Variants in HOXA5 observed in about 807,000 individuals in gnomAD.
The protein encoded by HOXA5 is homeobox A5, also known as homeobox protein Hox-A5.
In HOXA5, 12 loss-of-function variants were observed where a neutral mutation model predicts 20.0. The observed-to-expected ratio is 0.60, with a 90% CI of 0.38 to 0.97. HOXA5 has a LOEUF of 0.97. Ranked by LOEUF, HOXA5 falls within the 50% of genes least tolerant of loss-of-function variation. The probability of loss-of-function intolerance (pLI) is 0.00; values close to 1 mark genes in which losing one functional copy is unlikely to be tolerated. For synonymous variants in HOXA5, 159 were observed against 157.7 expected, an observed-to-expected ratio of 1.01 and a Z score of -0.06; for missense variants, 352 against 380.3, an observed-to-expected ratio of 0.93 and a Z score of 0.62.
chr7:27,143,176 G>A lies in HOXA5; in HGVS notation c.432C>T (p.Gly144=), dbSNP rs1411109697. 1.2e-6 allele frequency: 2 copies of A among 1,611,060 alleles called. No homozygotes were observed. Among genetic ancestry groups the A allele is most frequent in the Middle Eastern group, 1.9e-4 (1 of 5,274 alleles). Residue 144 remains glycine (G), a synonymous_variant, in exon 1 of 2, where the codon GGC becomes GGT. Transcript: ENST00000222726. ...STHISSREGV[G]TASGAEEDAP... is the part of the protein sequence containing the mutation. Reference sequence around the variant, plus strand: ...CGTCCTCCTCGGCTCCGGACGCCGTGCCAACCCCCTCTCTGCTGCTGATGT... The same window carrying A: ...CGTCCTCCTCGGCTCCGGACGCCGTACCAACCCCCTCTCTGCTGCTGATGT...
At position 27,141,919 on chromosome 7, in the gene HOXA5, G is replaced by A. The variant is rs1782584488; in HGVS notation, c.729C>T (p.Phe243=). Residue 243 remains phenylalanine, a synonymous_variant, in exon 2 of 2, where the codon TTC becomes TTT. Coordinates refer to ENST00000222726, the MANE Select transcript of HOXA5 (RefSeq NM_019102.4). ...TTTTCCACTTCATTCTCCGGTTTTG[G>A]AACCAGATTTTAATTTGTCTCTCGG... ...CLSERQIKIW[F]QNRRMKWKKD... is the part of the protein sequence containing the mutation. 3 of 1,614,196 alleles carry A rather than the reference G, an allele frequency of 1.9e-6. No homozygotes were observed. Among genetic ancestry groups the A allele is most frequent in the Non-Finnish European group, 2.5e-6 (3 of 1,180,034 alleles).
In HOXA5 at chr7:27,143,670, T is replaced by TG; in HGVS notation, c.-64dup. 2.0e-6 allele frequency: 3 copies of TG among 1,523,866 alleles called. No individual in the cohort carries two copies. The highest frequency in any genetic ancestry group is 2.6e-6 in the Non-Finnish European group (3 of 1,134,860). 94.4% of individuals were successfully genotyped at this position (1,523,866 alleles called of 1,614,324 possible). A position where few individuals can be genotyped will look rare whatever the true frequency, so the allele number is the denominator to read the frequency against. ...GTCGTTTGTGCGTCTATAGCACCCT[T>TG]GCACAATTTATGATGAATTATGGAA... is the stretch of plus-strand genomic sequence containing the variant. On this transcript the variant is annotated 5_prime_UTR_variant, in exon 1 of 2. Transcript: ENST00000222726.
chr7:27,143,551 G>GT lies in HOXA5; in HGVS notation c.56dup (p.Tyr19Ter). 6.2e-7 allele frequency: 1 copy of GT among 1,611,218 alleles called. No homozygotes were observed. The highest frequency in any genetic ancestry group is 8.5e-7 in the Non-Finnish European group (1 of 1,178,836). The stretch of plus-strand genomic sequence containing the variant: ...TATGATCTCCATAATTATGCAACTG[G>GT]TAGTCCGGGCCATTTGGATAGCGAC... ...FCGRYPNGPDYQLHNYGDHSS... is the reference protein window; with the variant it reads ...FCGRYPNGPD Residue 19 changes from tyrosine to a stop codon, truncating the protein, a stop_gained and frameshift_variant, in exon 1 of 2, where the codon TAC (tyrosine) becomes TAAC (stop). Transcript: ENST00000222726. LOFTEE classifies it high-confidence loss of function.
In HOXA5 at chr7:27,143,588, T is replaced by C; in HGVS notation, c.20A>G (p.Asn7Ser). The change falls in exon 1 of 2, where the codon AAC (asparagine) becomes AGC (serine). Residue 7 changes from asparagine to serine, a missense_variant. Transcript: ENST00000222726. ...ATTTGGATAGCGACCGCAAAATGAG[T>C]TTACAAAATAAGAGCTCATTTGTTT... Reference protein sequence around the residue: MSSYFVNSFCGRYPNGP... With the variant: MSSYFVSSFCGRYPNGP... 2 of 1,596,486 alleles carry C rather than the reference T, an allele frequency of 1.3e-6. No homozygotes were observed. Among genetic ancestry groups the C allele is most frequent in the Non-Finnish European group, 1.7e-6 (2 of 1,170,698 alleles).
Position 27,143,314 on chromosome 7 carries a change from G to C in HOXA5, c.294C>G (p.Pro98=), listed in dbSNP as rs1456989170. ...QPATSTHSPQ[P]DPLPCSAVAP... Reference sequence around the variant, plus strand: ...CCACGGCGGAGCAGGGCAGCGGATCGGGCTGAGGAGAGTGCGTGGACGTGG... The same window carrying C: ...CCACGGCGGAGCAGGGCAGCGGATCCGGCTGAGGAGAGTGCGTGGACGTGG... Residue 98 remains proline (P), a synonymous_variant, in exon 1 of 2, where the codon CCC becomes CCG. Transcript: ENST00000222726. The C allele has an allele frequency of 1.3e-6, 2 of 1,599,258 alleles. No individual in the cohort carries two copies. Among genetic ancestry groups the C allele is most frequent in the Non-Finnish European group, 1.7e-6 (2 of 1,175,776 alleles).
chr7:27,142,986 A>G, intron 1 of HOXA5, 60 bp downstream of exon 1: 2 of 1,409,564 alleles, frequency 1.4e-6, no homozygotes, highest in African/African-American at 1.5e-5. Flanking sequence ...CAGAGAAGAG[A>G]GGGGGGACCG....
rs1441252609 is a variant in HOXA5 at position 27,143,325 on chromosome 7, A to G, written c.283T>C (p.Ser95Pro). ...RYSQPATSTH[S>P]PQPDPLPCSA... ...CAGGGCAGCGGATCGGGCTGAGGAG[A>G]GTGCGTGGACGTGGCCGGCTGGCTG... Residue 95 changes from serine to proline, a missense_variant, in exon 1 of 2, where the codon TCT (serine) becomes CCT (proline). By Grantham distance (74) the Ser-to-Pro change is moderately conservative (BLOSUM62 -1). Transcript: ENST00000222726. The G allele has an allele frequency of 4.4e-6, 7 of 1,596,220 alleles. No individual in the cohort carries two copies. The highest frequency in any genetic ancestry group is 6.0e-6 in the Non-Finnish European group (7 of 1,174,700).
At position 27,143,660 on chromosome 7, in the gene HOXA5, ATAGCACCCT is replaced by A; in HGVS notation, c.-62_-54del. 6.5e-7 allele frequency: 1 copy of A among 1,544,002 alleles called. No homozygotes were observed. Among genetic ancestry groups the A allele is most frequent in the Non-Finnish European group, 8.7e-7 (1 of 1,143,956 alleles). On this transcript the variant is annotated 5_prime_UTR_variant, in exon 1 of 2. Coordinates refer to ENST00000222726, the MANE Select transcript of HOXA5 (RefSeq NM_019102.4). ...GTGGCTCGCGGTCGTTTGTGCGTCTATAGCACCCTTGCACAATTTATGATGAATTATGGA... is the reference window on the plus strand; with the variant it reads ...GTGGCTCGCGGTCGTTTGTGCGTCTATGCACAATTTATGATGAATTATGGA...
chr7:27,143,449 A>G lies in HOXA5; in HGVS notation c.159T>C (p.Asp53=). ...CGGAGCCCGAGCGGCCGACGCTGAG[A>G]TCCATGCCATTGTAGCCGTAGCCGT... ...GRYGYGYNGM[D]LSVGRSGSGH... Residue 53 remains aspartate, a synonymous_variant, in exon 1 of 2, where the codon GAT becomes GAC. Transcript: ENST00000222726. 2.5e-6 allele frequency: 4 copies of G among 1,613,612 alleles called. No homozygotes were observed. Among genetic ancestry groups the G allele is most frequent in the Non-Finnish European group, 2.5e-6 (3 of 1,179,886 alleles).
At position 27,141,530 on chromosome 7, in the gene HOXA5, T is replaced by TC; in HGVS notation, c.*304_*305insG. The TC allele has an allele frequency of 3.9e-6, 1 of 255,988 alleles. No individual in the cohort carries two copies. The allele number at this position is 255,988 out of a possible 1,614,324, so 15.9% of individuals were successfully genotyped here. ...TTGAAGGGGGACTTTTTGTGTGTTTTTTTTTCTCTTTTCTTTTTTTGTTAT... is the reference window on the plus strand; with the variant it reads ...TTGAAGGGGGACTTTTTGTGTGTTTTCTTTTTCTCTTTTCTTTTTTTGTTAT... On this transcript the variant is annotated 3_prime_UTR_variant, in exon 2 of 2. Transcript: ENST00000222726.
At position 27,141,959 on chromosome 7, in the gene HOXA5, T is replaced by C. The variant is rs1782585503; in HGVS notation, c.689A>G (p.His230Arg). 5.0e-6 allele frequency: 8 copies of C among 1,614,240 alleles called. No homozygotes were observed. The highest frequency in any genetic ancestry group is 1.6e-4 in the Middle Eastern group (1 of 6,062). The change falls in exon 2 of 2, where the codon CAT becomes CGT. Residue 230 changes from histidine to arginine, a missense_variant. By Grantham distance (29) the His-to-Arg change is conservative. This residue lies in a region of HOXA5 where 319 missense variants were observed against 336.5 expected (regional missense o/e 0.95). Transcript: ENST00000222726. ...LTRRRRIEIA[H>R]ALCLSERQIK... ...TTGTCTCTCGGAGAGGCAAAGAGCA[T>C]GTGCTATTTCAATCCTCCTTCTGCG...
Position 27,143,330 on chromosome 7 carries a change from G to C in HOXA5, c.278C>G (p.Thr93Arg), listed in dbSNP as rs1362815432. The C allele has an allele frequency of 6.3e-7, 1 of 1,595,984 alleles. No homozygotes were observed. Among genetic ancestry groups the C allele is most frequent in the Non-Finnish European group, 8.5e-7 (1 of 1,173,946 alleles). The part of the protein sequence containing the change: ...EPRYSQPATS[T>R]HSPQPDPLPC... ...CAGCGGATCGGGCTGAGGAGAGTGC[G>C]TGGACGTGGCCGGCTGGCTGTACCT... The change falls in exon 1 of 2, where the codon ACG (threonine) becomes AGG (arginine). Residue 93 changes from threonine to arginine, a missense_variant. Thr to Arg is a moderately conservative substitution (Grantham distance 71). Coordinates refer to ENST00000222726, the MANE Select transcript of HOXA5 (RefSeq NM_019102.4).
At position 27,143,550 on chromosome 7, in the gene HOXA5, G is replaced by T; in HGVS notation, c.58C>A (p.Gln20Lys). 1 of 1,611,162 alleles carries T rather than the reference G, an allele frequency of 6.2e-7. No individual in the cohort carries two copies. The highest frequency in any genetic ancestry group is 1.1e-5 in the South Asian group (1 of 90,404). ...CGRYPNGPDY[Q>K]LHNYGDHSSV... Reference sequence around the variant, plus strand: ...CTATGATCTCCATAATTATGCAACTGGTAGTCCGGGCCATTTGGATAGCGA... The same window carrying T: ...CTATGATCTCCATAATTATGCAACTTGTAGTCCGGGCCATTTGGATAGCGA... Residue 20 changes from glutamine to lysine, a missense_variant, in exon 1 of 2, where the codon CAG (glutamine) becomes AAG (lysine). Gln to Lys is a moderately conservative substitution (Grantham distance 53). This residue lies in a region of HOXA5 where 319 missense variants were observed against 336.5 expected (regional missense o/e 0.95). Transcript: ENST00000222726.
chr7:27,143,591 A>G lies in HOXA5; in HGVS notation c.17T>C (p.Val6Ala). The G allele has an allele frequency of 1.3e-6, 2 of 1,597,662 alleles. No homozygotes were observed. Among genetic ancestry groups the G allele is most frequent in the Non-Finnish European group, 1.7e-6 (2 of 1,170,492 alleles). ...TGGATAGCGACCGCAAAATGAGTTT[A>G]CAAAATAAGAGCTCATTTGTTTTTT... MSSYFVNSFCGRYPNG... is the reference protein window; with the variant it reads MSSYFANSFCGRYPNG... Residue 6 changes from valine (V) to alanine (A), a missense_variant, in exon 1 of 2, where the codon GTA becomes GCA. Coordinates refer to ENST00000222726, the MANE Select transcript of HOXA5 (RefSeq NM_019102.4).
rs1184290164 is a variant in HOXA5 at position 27,142,345 on chromosome 7, GC to G, written c.563-261del. ...TCCGGCTTTCCCTGGCCCCTCTCCT[GC>G]CCCCTCCGCCCTGCCCCGGGCGCCC... On this transcript the variant is annotated intron_variant, in intron 1 of 1. Coordinates refer to ENST00000222726, the MANE Select transcript of HOXA5 (RefSeq NM_019102.4). Among the ~76,000 whole-genome samples the G allele has an allele frequency of 5.3e-5, 8 of 152,258 alleles. No homozygotes were observed. The East Asian group carries it at 1.5e-3, about 29-fold the overall frequency.
rs761904078 is a variant in HOXA5 at position 27,142,080 on chromosome 7, T to C, written c.568A>G (p.Ile190Val). The change falls in exon 2 of 2, where the codon ATA becomes GTA. Residue 190 changes from isoleucine (I) to valine (V), a missense_variant. Ile to Val is a conservative substitution (Grantham distance 29). Coordinates refer to ENST00000222726, the MANE Select transcript of HOXA5 (RefSeq NM_019102.4). ...GCCCTTTTGCCTTCCGGGCCGCCTA[T>C]GTTGTCTGCAATAGAAAAGTCAGCG... ...MRKLHISHDN[I>V]GGPEGKRART... 90 of 1,613,160 alleles carry C rather than the reference T, an allele frequency of 5.6e-5. 2 individuals are homozygous for C. In the South Asian group the frequency reaches 9.6e-4, roughly 17 times the overall value.
intron 1 of HOXA5, chr7:27,142,800 T>A (rs908327761): frequency 3.1e-5 from 14 of 452,710 alleles, no homozygotes; most frequent in African/African-American, 2.7e-4. Context: ...GGTTTTTTGC[T>A]TCCTCCCCCT....
In HOXA5 at chr7:27,143,203, G is replaced by C; in HGVS notation, c.405C>G (p.Thr135=). 1 of 1,611,002 alleles carries C rather than the reference G, an allele frequency of 6.2e-7. No homozygotes were observed. Among genetic ancestry groups the C allele is most frequent in the Non-Finnish European group, 8.5e-7 (1 of 1,179,092 alleles). Reference sequence around the variant, plus strand: ...CAACCCCCTCTCTGCTGCTGATGTGGGTGCTGCCGGCGTCGGCCGAGGCGC... The same window carrying C: ...CAACCCCCTCTCTGCTGCTGATGTGCGTGCTGCCGGCGTCGGCCGAGGCGC... ...SSGASADAGS[T]HISSREGVGT... The change falls in exon 1 of 2, where the codon ACC becomes ACG. Residue 135 remains threonine, a synonymous_variant. Coordinates refer to ENST00000222726, the MANE Select transcript of HOXA5 (RefSeq NM_019102.4).
chr7:27,142,987 G>A (rs1265739399), intron 1 of HOXA5, 59 bp downstream of exon 1: 2 of 1,421,202 alleles, frequency 1.4e-6, no homozygotes, highest in Non-Finnish European at 1.9e-6. Context: ...AGAGAAGAGA[G>A]GGGGGACCGA....
Sources: allele counts gnomAD v4.1 joint callset (sites outside exome capture counted in the v4.1 genomes callset), GRCh38; gene constraint gnomAD v4.1.1; regional missense constraint gnomAD v4.1.1; transcripts MANE v1.5; gene names NCBI Gene and HGNC (gene_info 2026-07-23, HGNC 2026-07-21).